Variants in FASTKD1 observed in about 807,000 individuals in gnomAD.
FASTKD1 encodes FAST kinase domains 1, also known as FAST kinase domain-containing protein 1, mitochondrial.
In FASTKD1, 94 loss-of-function variants were observed where a neutral mutation model predicts 90.9. That is an observed-to-expected ratio of 1.03 (90% CI 0.88 to 1.23). The LOEUF (loss-of-function observed/expected upper bound fraction) is 1.23. Ranked by LOEUF, FASTKD1 falls within the 50% of genes most tolerant of loss-of-function variation. The probability of loss-of-function intolerance (pLI) is 0.00; values close to 1 mark genes in which losing one functional copy is unlikely to be tolerated. For synonymous variants in FASTKD1, 319 were observed against 345.8 expected (o/e 0.92, Z 0.86); for missense variants, 945 against 993.5 (o/e 0.95, Z 0.66).
At chr2:169,543,123 C>CA (rs923691513) in intron 9 of FASTKD1, among the ~76,000 whole-genome samples, 27 of 151,888 alleles carry the variant, frequency 1.8e-4, no homozygotes, top group Non-Finnish European at 3.2e-4. Flanking sequence ...AAATATCAAG[C>CA]AAAAAAGATG....
At chr2:169,561,816 A>AAAAT (rs1437571528) in intron 4 of FASTKD1, among the ~76,000 whole-genome samples, 1 of 140,672 alleles carries the variant, frequency 7.1e-6, no homozygotes, top group African/African-American at 2.8e-5. Flanking sequence ...AATTTATTGT[A>AAAAT]AATTATTTAT....
intron 12 of FASTKD1, among the ~76,000 whole-genome samples, chr2:169,536,009 C>T (rs968053171): frequency 6.6e-6 from 1 of 151,180 alleles, no homozygotes; most frequent in Non-Finnish European, 1.5e-5. Flanking sequence ...GGCACAGTGG[C>T]TCACACCTGT....
intron 7 of FASTKD1, among the ~76,000 whole-genome samples, chr2:169,551,063 C>A (rs1685469752): frequency 1.3e-5 from 2 of 152,114 alleles, no homozygotes; most frequent in African/African-American, 4.8e-5. Flanking sequence ...CCACAACATA[C>A]CCACCAGAAC....
intron 7 of FASTKD1, among the ~76,000 whole-genome samples, chr2:169,548,420 T>A (rs1335978485): frequency 2.1e-5 from 3 of 142,878 alleles, no homozygotes; most frequent in Admixed American, 7.0e-5. Context: ...CAATAATTGT[T>A]AAAAAAAAAA....
At chr2:169,537,930 A>T in intron 11 of FASTKD1, 83 bp downstream of exon 11, 6 of 1,202,036 alleles carry the variant, frequency 5.0e-6, no homozygotes, top group Non-Finnish European at 7.0e-6. Context: ...TGTCATGTTT[A>T]AGTATAACAA....
rs1685204045 is a variant in FASTKD1 at position 169,546,478 on chromosome 2, G to T, written c.1441C>A (p.Gln481Lys). 8 of 1,614,134 alleles carry T rather than the reference G, an allele frequency of 5.0e-6. No individual in the cohort carries two copies. In the East Asian group the frequency reaches 1.6e-4, roughly 31 times the overall value. ...NMTAKQLKLL[Q>K]KLDHYGRQRL... ...TGACGACCATAGTGATCTAATTTTT[G>T]AAGTAGTTTCAGTTGTTTCGCAGTC... is the stretch of plus-strand genomic sequence containing the variant. The change falls in exon 8 of 15, where the codon CAA becomes AAA. Residue 481 changes from glutamine to lysine, a missense_variant. Transcript: ENST00000453153.
At chr2:169,548,731 C>CAAAA (rs58560988) in intron 7 of FASTKD1, among the ~76,000 whole-genome samples, 16 of 35,652 alleles carry the variant, frequency 4.5e-4, no homozygotes, top group African/African-American at 1.0e-3. Flanking sequence ...GACTCCGCCT[C>CAAAA]AAAAAAAAAA....
chr2:169,538,799 A>C (rs1684842744), intron 10 of FASTKD1, among the ~76,000 whole-genome samples: 1 of 152,086 alleles, frequency 6.6e-6, no homozygotes, highest in Non-Finnish European at 1.5e-5. Context: ...AATGATGAGG[A>C]ATTGGAAACA....
chr2:169,547,830 A>G (rs533968911), intron 7 of FASTKD1, among the ~76,000 whole-genome samples: 23 of 135,094 alleles, frequency 1.7e-4, no homozygotes, highest in African/African-American at 6.1e-4. Context: ...GGTTGCAGTG[A>G]GCCAAGATCG....
chr2:169,534,467 T>G (rs1336757414), intron 12 of FASTKD1, among the ~76,000 whole-genome samples: 37 of 148,220 alleles, frequency 2.5e-4, no homozygotes, highest in Non-Finnish European at 4.0e-4. Context: ...TTTTTTCTTT[T>G]TTTTTTTTTT....
intron 11 of FASTKD1, 50 bp downstream of exon 11, chr2:169,537,963 A>C: frequency 6.6e-7 from 1 of 1,515,894 alleles, no homozygotes; most frequent in Non-Finnish European, 8.9e-7. Flanking sequence ...ACTACCTAAT[A>C]ATTTACTTTA....
At position 169,572,179 on chromosome 2, in the gene FASTKD1, A is replaced by C. The variant is rs535137736; in HGVS notation, c.-142-8T>G. The stretch of plus-strand genomic sequence containing the variant: ...CATTCCAATGTACAGCTTCTATAAA[A>C]GAATTGGTTTAACATGGTTATGCTT... On this transcript the variant is annotated splice_polypyrimidine_tract_variant and splice_region_variant and intron_variant, in intron 1 of 14. Transcript: ENST00000453153. The C allele has an allele frequency of 3.5e-6, 3 of 848,132 alleles. No homozygotes were observed. In the East Asian group the frequency reaches 8.5e-5, roughly 24 times the overall value. 52.5% of individuals were successfully genotyped at this position (848,132 alleles called of 1,614,324 possible).
chr2:169,561,701 A>C (rs963637975), intron 4 of FASTKD1, among the ~76,000 whole-genome samples: 4 of 147,504 alleles, frequency 2.7e-5, no homozygotes, highest in Admixed American at 1.4e-4. Context: ...TAAATTATTA[A>C]TCTATTATAA....
chr2:169,532,930 T>C (rs1274771295), intron 12 of FASTKD1, among the ~76,000 whole-genome samples: 1 of 152,192 alleles, frequency 6.6e-6, no homozygotes, highest in Non-Finnish European at 1.5e-5. Context: ...TTCGATAAAA[T>C]GTTAAATTTT....
rs1684389150 is a variant in FASTKD1, at chr2:169,529,634, C to G, written c.*191G>C. On this transcript the variant is annotated 3_prime_UTR_variant, in exon 15 of 15. Coordinates refer to ENST00000453153, the MANE Select transcript of FASTKD1 (RefSeq NM_024622.6). ...TGTATTTGACTCTGTTATCTCTTAT[C>G]TTTTCTCTTATACACTCCCACCCCA... 2.0e-6 allele frequency: 1 copy of G among 502,156 alleles called. No individual in the cohort carries two copies. 31.1% of individuals were successfully genotyped at this position (502,156 alleles called of 1,614,324 possible).
At chr2:169,531,535 T>C (rs748643110) in intron 12 of FASTKD1, 45 bp from the exon 13 acceptor site, 15 of 1,488,640 alleles carry the variant, frequency 1.0e-5, no homozygotes, top group African/African-American at 1.4e-5. Context: ...GGTAAAGTCT[T>C]ACAGATAAAA....
intron 3 of FASTKD1, among the ~76,000 whole-genome samples, chr2:169,564,309 T>G (rs1032177350): frequency 6.6e-6 from 1 of 152,130 alleles, no homozygotes; most frequent in African/African-American, 2.4e-5. Flanking sequence ...ATATCGAAAA[T>G]TTAAATTTAT....
chr2:169,540,886 A>G (rs886844860), intron 9 of FASTKD1, among the ~76,000 whole-genome samples: 4 of 152,164 alleles, frequency 2.6e-5, no homozygotes, highest in Non-Finnish European at 1.5e-5. Context: ...CTGCTCCTTT[A>G]CTTGTCACCC....
At chr2:169,549,579 C>T (rs1440972775) in intron 7 of FASTKD1, among the ~76,000 whole-genome samples, 2 of 152,180 alleles carry the variant, frequency 1.3e-5, no homozygotes, top group East Asian at 3.9e-4. Context: ...CTCCTCCTGC[C>T]TCAGCCTCTC....
Sources: gnomAD v4.1 joint callset for allele counts (sites outside exome capture counted in the v4.1 genomes callset) on GRCh38, gnomAD v4.1.1 for gene constraint, MANE v1.5 for transcripts, NCBI Gene and HGNC (gene_info 2026-07-23, HGNC 2026-07-21) for gene names.